The following RPS6KA3 variants were observed in gnomAD, a reference collection of about 807,000 sequenced individuals.
RPS6KA3 encodes the protein ribosomal protein S6 kinase A3.
In RPS6KA3, 4 loss-of-function variants were observed where a neutral mutation model predicts 67.2. The observed-to-expected ratio is 0.06, with a 90% CI of 0.03 to 0.14. The LOEUF is 0.14. Among genes scored for constraint, RPS6KA3 ranks in the 10% least tolerant of loss-of-function variants. RPS6KA3 has a pLI of 1.00. For synonymous variants in RPS6KA3, 182 were observed against 183.7 expected, an observed-to-expected ratio of 0.99 and a Z score of 0.07; for missense variants, 204 against 559.0, an observed-to-expected ratio of 0.36 and a Z score of 6.40.
In RPS6KA3 at chrX:20,231,707, T is replaced by A. The variant is rs1475620307; in HGVS notation, c.126+3051A>T. On this transcript the variant is annotated intron_variant, in intron 2 of 21. Transcript: ENST00000379565. Reference sequence around the variant, plus strand: ...CTTTGCAGATGTAATTAAGATGAAGTCATATTGGAGTGGGATGGTCCCAAT... The same window carrying A: ...CTTTGCAGATGTAATTAAGATGAAGACATATTGGAGTGGGATGGTCCCAAT... Among the ~76,000 whole-genome samples the A allele has an allele frequency of 2.7e-5, 3 of 111,544 alleles. No individual in the cohort carries two copies. The Admixed American group carries it at 2.8e-4, about 11-fold the overall frequency.
intron 2 of RPS6KA3, among the ~76,000 whole-genome samples, chrX:20,212,640 G>C (rs2068744710): frequency 9.0e-6 from 1 of 110,774 alleles, no homozygotes; most frequent in Admixed American, 9.6e-5. Flanking sequence ...TCAGGAAGCT[G>C]AGATGTGAGG....
At chrX:20,191,997 C>T (rs1347217166) in intron 7 of RPS6KA3, among the ~76,000 whole-genome samples, 1 of 110,814 alleles carries the variant, frequency 9.0e-6, no homozygotes, top group Non-Finnish European at 1.9e-5. Context: ...AACTCCTGAC[C>T]TCAAGTGATC....
At chrX:20,228,327 C>T (rs1256799744) in intron 2 of RPS6KA3, among the ~76,000 whole-genome samples, 1 of 111,803 alleles carries the variant, frequency 8.9e-6, no homozygotes, top group African/African-American at 3.3e-5. Flanking sequence ...GTTAACTAGC[C>T]AACCAGGCAG....
intron 2 of RPS6KA3, among the ~76,000 whole-genome samples, chrX:20,220,141 C>T (rs1292616720): frequency 9.0e-6 from 1 of 110,530 alleles, no homozygotes; most frequent in African/African-American, 3.3e-5. Flanking sequence ...AAAGCCAGGG[C>T]TCTTCCTCCT....
Position 20,153,968 on chromosome X carries a change from C to T in RPS6KA3, c.*1430G>A, listed in dbSNP as rs1344553596. Reference sequence around the variant, plus strand: ...GGTAAGTTAAATCACTTTTTTCTTGCTCATATGTCTTTTACATTACATACT... The same window carrying T: ...GGTAAGTTAAATCACTTTTTTCTTGTTCATATGTCTTTTACATTACATACT... On this transcript the variant is annotated 3_prime_UTR_variant, in exon 22 of 22. Transcript: ENST00000379565. The T allele has an allele frequency of 1.8e-5, 2 of 112,178 alleles. No individual in the cohort carries two copies. The highest frequency in any genetic ancestry group is 6.5e-5 in the African/African-American group (2 of 30,846). 9.2% of individuals were successfully genotyped at this position (112,178 alleles called of 1,213,427 possible). A position where few individuals can be genotyped will look rare whatever the true frequency, so the allele number is the denominator to read the frequency against.
In RPS6KA3 at chrX:20,219,327, A is replaced by G. The variant is rs764648839; in HGVS notation, c.127-9923T>C. On this transcript the variant is annotated intron_variant, in intron 2 of 21. Coordinates refer to ENST00000379565, the MANE Select transcript of RPS6KA3 (RefSeq NM_004586.3). The stretch of plus-strand genomic sequence containing the variant: ...TGCAGTGTGTTTATACACACACTCA[A>G]GCCGTGGTCTCAAGATAATTTTAAG... 6.3e-5 allele frequency among the ~76,000 whole-genome samples: 7 copies of G among 111,722 alleles called. No individual in the cohort carries two copies. In the South Asian group the frequency reaches 2.6e-3, roughly 42 times the overall value.
chrX:20,209,414 T>TAA lies in RPS6KA3; in HGVS notation c.127-12_127-11dup. The TAA allele has an allele frequency of 9.9e-7, 1 of 1,008,323 alleles. No homozygotes were observed. Among genetic ancestry groups the TAA allele is most frequent in the Non-Finnish European group, 1.4e-6 (1 of 710,220 alleles). 83.1% of individuals were successfully genotyped at this position (1,008,323 alleles called of 1,213,427 possible). The stretch of plus-strand genomic sequence containing the variant: ...TGATACTGACTTCTTCCTGTTGAGA[T>TAA]AAACGTAAGAGGAGCAAACAGGGTT... On this transcript the variant is annotated splice_polypyrimidine_tract_variant and intron_variant, in intron 2 of 21. Transcript: ENST00000379565.
chrX:20,165,875 T>C (rs967297726), intron 17 of RPS6KA3, among the ~76,000 whole-genome samples: 3 of 111,432 alleles, frequency 2.7e-5, no homozygotes, highest in South Asian at 7.5e-4. Context: ...GTGGCGTATA[T>C]GTTTCAAGAC....
At chrX:20,214,495 T>C (rs894918197) in intron 2 of RPS6KA3, among the ~76,000 whole-genome samples, 1 of 112,310 alleles carries the variant, frequency 8.9e-6, no homozygotes, top group Non-Finnish European at 1.9e-5. Flanking sequence ...GCTGATGAGA[T>C]GGGTGATGCT....
At chrX:20,178,474 C>T (rs1487363759) in intron 10 of RPS6KA3, among the ~76,000 whole-genome samples, 1 of 94,031 alleles carries the variant, frequency 1.1e-5, no homozygotes, top group Non-Finnish European at 2.0e-5. Flanking sequence ...CTAGAGCAAA[C>T]AAATCAGTTT....
At chrX:20,195,872 T>C (rs146549295) in intron 4 of RPS6KA3, among the ~76,000 whole-genome samples, 17 of 112,389 alleles carry the variant, frequency 1.5e-4, no homozygotes, top group African/African-American at 4.8e-4. Context: ...GAGGAGCATA[T>C]GACCATTTGA....
intron 2 of RPS6KA3, among the ~76,000 whole-genome samples, chrX:20,223,057 T>A (rs2069022606): frequency 8.9e-6 from 1 of 112,152 alleles, no homozygotes; most frequent in Admixed American, 9.5e-5. Flanking sequence ...ATATTGTCAC[T>A]TAATTTTTCT....
chrX:20,224,890 T>C (rs2069072735), intron 2 of RPS6KA3, among the ~76,000 whole-genome samples: 1 of 111,690 alleles, frequency 9.0e-6, no homozygotes, highest in African/African-American at 3.3e-5. Context: ...AGTTACAATA[T>C]ACCCTAGGTG....
intron 2 of RPS6KA3, among the ~76,000 whole-genome samples, chrX:20,210,492 T>C (rs2068685661): frequency 9.0e-6 from 1 of 111,716 alleles, no homozygotes; most frequent in Non-Finnish European, 1.9e-5. Context: ...TTCTGAGATG[T>C]CCTTAGAATG....
intron 1 of RPS6KA3, among the ~76,000 whole-genome samples, chrX:20,264,242 G>A (rs2070312763): frequency 8.9e-6 from 1 of 112,475 alleles, no homozygotes; most frequent in Admixed American, 9.4e-5. Context: ...AGGATAGCAA[G>A]AAAATTCTTT....
At chrX:20,175,503 C>T (rs2067677196) in intron 13 of RPS6KA3, among the ~76,000 whole-genome samples, 1 of 111,553 alleles carries the variant, frequency 9.0e-6, no homozygotes, top group African/African-American at 3.3e-5. Flanking sequence ...CCCTCGGAGC[C>T]TAGAAAATAG....
chrX:20,189,126 A>AT (rs926850081), intron 7 of RPS6KA3, among the ~76,000 whole-genome samples: 8 of 106,069 alleles, frequency 7.5e-5, no homozygotes, highest in Admixed American at 2.0e-4. Flanking sequence ...TTGTTTCCTT[A>AT]TTTTTTTTTT....
intron 2 of RPS6KA3, among the ~76,000 whole-genome samples, chrX:20,225,230 GTT>G (rs113509516): frequency 2.6e-4 from 23 of 88,279 alleles, no homozygotes; most frequent in African/African-American, 9.0e-4. Flanking sequence ...AAAAGGGGAG[GTT>G]TTTTTTTTTT....
chrX:20,208,697 G>A (rs2068635019), intron 3 of RPS6KA3, among the ~76,000 whole-genome samples: 1 of 111,773 alleles, frequency 8.9e-6, no homozygotes, highest in Non-Finnish European at 1.9e-5. Flanking sequence ...CAGCCTGGGT[G>A]ACAGAGGAGG....
Sources: gnomAD v4.1 joint callset for allele counts (sites outside exome capture counted in the v4.1 genomes callset) on GRCh38, gnomAD v4.1.1 for gene constraint, MANE v1.5 for transcripts, NCBI Gene and HGNC (gene_info 2026-07-23, HGNC 2026-07-21) for gene names.